The following MAPRE2 variants were observed in gnomAD, a reference collection of about 807,000 sequenced individuals.
MAPRE2 encodes microtubule associated protein RP/EB family member 2.
In MAPRE2, 13 loss-of-function variants were observed where a neutral mutation model predicts 43.2. The ratio of observed to expected loss-of-function variants is 0.30; its 90% CI spans 0.20 to 0.48. MAPRE2 has a LOEUF of 0.48. Ranked by LOEUF, MAPRE2 falls within the 20% of genes least tolerant of loss-of-function variation. The pLI is 0.99. For synonymous variants in MAPRE2, 135 were observed against 148.8 expected (o/e 0.91, Z 0.68); for missense variants, 161 against 400.2 (o/e 0.40, Z 5.10).
At chr18:35,055,004 A>G (rs1252474343) in intron 1 of MAPRE2, among the ~76,000 whole-genome samples, 1 of 152,260 alleles carries the variant, frequency 6.6e-6, no homozygotes, top group Non-Finnish European at 1.5e-5. Flanking sequence ...ATACTGTGGT[A>G]TACCTATACG....
intron 2 of MAPRE2, among the ~76,000 whole-genome samples, chr18:35,012,835 A>C (rs2150583699): frequency 6.6e-6 from 1 of 152,300 alleles, no homozygotes; most frequent in South Asian, 2.1e-4. Flanking sequence ...TGATGGTTGA[A>C]CAAGAATGTT....
intron 1 of MAPRE2, among the ~76,000 whole-genome samples, chr18:34,992,248 A>C (rs897596770): frequency 1.3e-5 from 2 of 152,238 alleles, no homozygotes; most frequent in African/African-American, 4.8e-5. Context: ...AGACAGCAAT[A>C]GCTACTAAAA....
chr18:35,111,245 TA>T (rs1449391992), intron 4 of MAPRE2, among the ~76,000 whole-genome samples: 2 of 152,214 alleles, frequency 1.3e-5, no homozygotes, highest in Non-Finnish European at 2.9e-5. Context: ...TCTTCATTTT[TA>T]AATTTCAGCT....
chr18:35,050,844 A>G (rs1258983780), intron 1 of MAPRE2, among the ~76,000 whole-genome samples: 2 of 152,162 alleles, frequency 1.3e-5, no homozygotes, highest in Non-Finnish European at 2.9e-5. Flanking sequence ...TTCACCATGC[A>G]TTTCTGTTTC....
At chr18:35,060,144 C>T (rs557554827) in intron 1 of MAPRE2, among the ~76,000 whole-genome samples, 6 of 152,132 alleles carry the variant, frequency 3.9e-5, no homozygotes, top group Non-Finnish European at 7.4e-5. Context: ...GGGCCCTGCT[C>T]GTTGGGGGCA....
At chr18:35,062,168 GTC>G (rs751272633) in intron 1 of MAPRE2, among the ~76,000 whole-genome samples, 130 of 152,296 alleles carry the variant, frequency 8.5e-4, no homozygotes, top group Non-Finnish European at 1.7e-3. Flanking sequence ...TTGGGGGGAT[GTC>G]TGTGATGGGA....
chr18:34,981,127 C>T (rs2097015982), intron 1 of MAPRE2, among the ~76,000 whole-genome samples: 1 of 151,634 alleles, frequency 6.6e-6, no homozygotes, highest in East Asian at 1.9e-4. Flanking sequence ...ATAGAATTAA[C>T]TTTGGGAGGC....
chr18:35,116,781 A>G (rs975194193), intron 4 of MAPRE2, among the ~76,000 whole-genome samples: 9 of 152,174 alleles, frequency 5.9e-5, no homozygotes, highest in Non-Finnish European at 1.2e-4. Context: ...TACCTTTGCC[A>G]TGTTCTGTGG....
At chr18:35,072,383 G>C (rs1012837844) in intron 2 of MAPRE2, among the ~76,000 whole-genome samples, 8 of 152,180 alleles carry the variant, frequency 5.3e-5, no homozygotes, top group Non-Finnish European at 8.8e-5. Context: ...CACAAAGTGG[G>C]TATATGTGCA....
At position 35,033,794 on chromosome 18, in the gene MAPRE2, T is replaced by C. The variant is rs1356674039; in HGVS notation, c.-8+28241T>C. Among the ~76,000 whole-genome samples the C allele has an allele frequency of 4.4e-3, 664 of 149,506 alleles. 1 individual carries two copies. Among genetic ancestry groups the C allele is most frequent in the African/African-American group, 0.015 (626 of 40,964 alleles). On this transcript the variant is annotated intron_variant, in intron 2 of 7. Coordinates refer to the MAPRE2 transcript ENST00000413393. Reference sequence around the variant, plus strand: ...TCAAAGAGAATAAAATACCTAGGAATCCAACTTACAAGGGATGTGAAGGAC... The same window carrying C: ...TCAAAGAGAATAAAATACCTAGGAACCCAACTTACAAGGGATGTGAAGGAC...
intron 1 of MAPRE2, among the ~76,000 whole-genome samples, chr18:35,054,865 T>TTTATGTAA (rs1906135215): frequency 6.6e-6 from 1 of 152,226 alleles, no homozygotes; most frequent in South Asian, 2.1e-4. Flanking sequence ...AGAGATGATT[T>TTTATGTAA]GGTCATAGTT....
chr18:34,998,453 A>G (rs1017673487), intron 1 of MAPRE2, among the ~76,000 whole-genome samples: 2 of 151,518 alleles, frequency 1.3e-5, no homozygotes, highest in Non-Finnish European at 2.9e-5. Context: ...CAGCCTCCCA[A>G]GTAGCTGGGA....
chr18:35,108,390 G>T (rs1182223193), intron 4 of MAPRE2, among the ~76,000 whole-genome samples: 2 of 152,086 alleles, frequency 1.3e-5, no homozygotes, highest in Admixed American at 1.3e-4. Context: ...ATTTGGGTTG[G>T]TTCCATGTCT....
At chr18:35,064,442 G>A (rs1906733665) in intron 1 of MAPRE2, among the ~76,000 whole-genome samples, 4 of 152,152 alleles carry the variant, frequency 2.6e-5, no homozygotes, top group Admixed American at 2.0e-4. Context: ...GTGTTTGCAA[G>A]GGGTGGGGCA....
At chr18:35,041,167 C>T (rs555851406), upstream of MAPRE2, among the ~76,000 whole-genome samples, 1 of 152,322 alleles carries the variant, frequency 6.6e-6, no homozygotes, top group East Asian at 1.9e-4. Context: ...TCAGACAAGG[C>T]GAGTCTGCGA....
In MAPRE2 at chr18:35,035,222, T is replaced by C. The variant is rs571034580; in HGVS notation, c.-8+29669T>C. ...CTCATGTCCTTTGTAGGGACATGGA[T>C]GAAATTGGAAATCATCATTCTCAGT... is the stretch of plus-strand genomic sequence containing the variant. On this transcript the variant is annotated intron_variant, in intron 2 of 7. Coordinates refer to the MAPRE2 transcript ENST00000413393. Among the ~76,000 whole-genome samples, 737 of 152,012 alleles carry C rather than the reference T, an allele frequency of 4.8e-3. 5 individuals carry two copies. Among genetic ancestry groups the C allele is most frequent in the African/African-American group, 0.016 (659 of 41,394 alleles).
intron 2 of MAPRE2, among the ~76,000 whole-genome samples, chr18:35,029,271 T>C (rs1447095552): frequency 1.3e-5 from 2 of 152,204 alleles, no homozygotes; most frequent in Non-Finnish European, 2.9e-5. Context: ...ATGAGGAATT[T>C]CTCTTCCATT....
intron 2 of MAPRE2, among the ~76,000 whole-genome samples, chr18:35,091,181 A>G (rs1908132411): frequency 6.6e-6 from 1 of 152,246 alleles, no homozygotes; most frequent in Non-Finnish European, 1.5e-5. Flanking sequence ...AAGATCTGAA[A>G]TTGTTTTAGT....
At chr18:34,996,039 A>G (rs1055617444) in intron 1 of MAPRE2, among the ~76,000 whole-genome samples, 1 of 152,210 alleles carries the variant, frequency 6.6e-6, no homozygotes, top group Non-Finnish European at 1.5e-5. Flanking sequence ...GATGAACCTG[A>G]TAGTTAAAAT....
Sources: gnomAD v4.1 joint callset for allele counts (sites outside exome capture counted in the v4.1 genomes callset) on GRCh38, gnomAD v4.1.1 for gene constraint, MANE v1.5 for transcripts, NCBI Gene and HGNC (gene_info 2026-07-23, HGNC 2026-07-21) for gene names.